The following KCNH7 variants were observed in gnomAD, a reference collection of about 807,000 sequenced individuals.
The protein encoded by KCNH7 is voltage-gated inwardly rectifying potassium channel KCNH7.
Under a neutral mutation model 120.8 loss-of-function variants are expected in KCNH7, and 49 were observed. That is an observed-to-expected ratio of 0.41 (90% confidence interval 0.32 to 0.51). The LOEUF (loss-of-function observed/expected upper bound fraction) is 0.51, where lower values mean the gene tolerates loss of function less well. Ranked by LOEUF, KCNH7 falls within the 20% of genes least tolerant of loss-of-function variation. The pLI is 0.38. For synonymous variants in KCNH7, 547 were observed against 516.1 expected, an observed-to-expected ratio of 1.06 and a Z score of -0.81; for missense variants, 1,097 against 1,446.6, an observed-to-expected ratio of 0.76 and a Z score of 3.92.
intron 6 of KCNH7, among the ~76,000 whole-genome samples, chr2:162,452,478 T>C (rs1403982745): frequency 6.6e-6 from 1 of 152,106 alleles, no homozygotes; most frequent in Non-Finnish European, 1.5e-5. Flanking sequence ...CTAGTTCATA[T>C]TATGTAGATC....
intron 1 of KCNH7, among the ~76,000 whole-genome samples, chr2:162,836,974 A>G (rs1685687050): frequency 6.6e-6 from 1 of 152,194 alleles, no homozygotes; most frequent in Non-Finnish European, 1.5e-5. Context: ...TTTTAACAGA[A>G]AGTATTAAGA....
intron 7 of KCNH7, among the ~76,000 whole-genome samples, chr2:162,437,351 T>C (rs1054042509): frequency 5.9e-5 from 9 of 152,286 alleles, no homozygotes; most frequent in African/African-American, 2.2e-4. Flanking sequence ...TCTCCAGTAC[T>C]GAGTTGTTTT....
Position 162,521,172 on chromosome 2 carries a change from C to T in KCNH7, c.464-3014G>A, listed in dbSNP as rs140511394. ...ATTTTTTCCATGACTGGCCCATAGG[C>T]CTCAGAAGGGCAGGGCCCCAGGCTA... is the stretch of plus-strand genomic sequence containing the variant. On this transcript the variant is annotated intron_variant, in intron 3 of 15. Transcript: ENST00000332142. Among the ~76,000 whole-genome samples the T allele has an allele frequency of 2.9e-4, 44 of 151,984 alleles. No homozygotes were observed. In the Middle Eastern group the frequency reaches 0.01, roughly 35 times the overall value.
intron 2 of KCNH7, among the ~76,000 whole-genome samples, chr2:162,799,379 T>C (rs1684262118): frequency 6.6e-6 from 1 of 151,954 alleles, no homozygotes. Context: ...ACTGCATACA[T>C]CTTTGTTAAA....
At chr2:162,457,348 TA>T (rs955774818) in intron 6 of KCNH7, among the ~76,000 whole-genome samples, 7 of 151,924 alleles carry the variant, frequency 4.6e-5, no homozygotes, top group African/African-American at 1.7e-4. Context: ...AAATAAGGAA[TA>T]AAAAAAGGGA....
intron 2 of KCNH7, among the ~76,000 whole-genome samples, chr2:162,758,465 C>A (rs998508406): frequency 6.6e-6 from 1 of 151,870 alleles, no homozygotes. Flanking sequence ...TATGTACACA[C>A]ACATATATAT....
intron 2 of KCNH7, among the ~76,000 whole-genome samples, chr2:162,561,864 T>C (rs1693080841): frequency 6.6e-6 from 1 of 152,158 alleles, no homozygotes; most frequent in South Asian, 2.1e-4. Flanking sequence ...ATATACACCA[T>C]GGAATACTAT....
intron 9 of KCNH7, among the ~76,000 whole-genome samples, chr2:162,421,505 C>CA (rs927286803): frequency 3.3e-5 from 5 of 152,020 alleles, no homozygotes; most frequent in African/African-American, 1.2e-4. Context: ...CTACATCATG[C>CA]AAAAAAGTTC....
intron 2 of KCNH7, among the ~76,000 whole-genome samples, chr2:162,835,224 T>G (rs1353840635): frequency 6.6e-6 from 1 of 152,104 alleles, no homozygotes; most frequent in Non-Finnish European, 1.5e-5. Flanking sequence ...CATTCCAGAT[T>G]ACTACAAAGT....
intron 14 of KCNH7, 136 bp downstream of exon 14, chr2:162,379,717 A>C (rs1038104477): frequency 2.5e-6 from 2 of 804,782 alleles, no homozygotes; most frequent in Admixed American, 5.6e-5. Flanking sequence ...GTCAACTTCT[A>C]GTCTTATTTT....
At chr2:162,700,921 C>G (rs1471231416) in intron 2 of KCNH7, among the ~76,000 whole-genome samples, 1 of 152,128 alleles carries the variant, frequency 6.6e-6, no homozygotes, top group African/African-American at 2.4e-5. Context: ...ATTGGTTGCT[C>G]TCTTTAAGGC....
chr2:162,638,658 G>T (rs997505783), intron 2 of KCNH7, among the ~76,000 whole-genome samples: 4 of 152,074 alleles, frequency 2.6e-5, no homozygotes, highest in Non-Finnish European at 5.9e-5. Flanking sequence ...CTAGAAAAAT[G>T]GAGTTAGTTA....
chr2:162,440,902 A>T (rs1688395898), intron 7 of KCNH7, among the ~76,000 whole-genome samples: 2 of 152,214 alleles, frequency 1.3e-5, no homozygotes, highest in South Asian at 4.1e-4. Context: ...ATAACTAGGG[A>T]TGTCATATTT....
rs916150306 is a variant in KCNH7, at chr2:162,527,064, T to G, written c.464-8906A>C. Among the ~76,000 whole-genome samples, 3 of 151,984 alleles carry G rather than the reference T, an allele frequency of 2.0e-5. No homozygotes were observed. In the East Asian group the frequency reaches 5.8e-4, roughly 30 times the overall value. Reference sequence around the variant, plus strand: ...GGGTCCCTGACTTCCCGCAACATTTTCAACTACTGGCAATTTTCTTGATCT... The same window carrying G: ...GGGTCCCTGACTTCCCGCAACATTTGCAACTACTGGCAATTTTCTTGATCT... On this transcript the variant is annotated intron_variant, in intron 3 of 15. Transcript: ENST00000332142.
At chr2:162,633,835 T>C (rs1204504905) in intron 2 of KCNH7, among the ~76,000 whole-genome samples, 1 of 152,064 alleles carries the variant, frequency 6.6e-6, no homozygotes, top group Non-Finnish European at 1.5e-5. Context: ...TTTTCAAAAA[T>C]TTCCTAGAAA....
chr2:162,818,635 A>G (rs534789952), intron 2 of KCNH7, among the ~76,000 whole-genome samples: 9 of 152,262 alleles, frequency 5.9e-5, no homozygotes, highest in Admixed American at 1.3e-4. Flanking sequence ...TTGCAGATCA[A>G]TTTGGGAAGA....
chr2:162,552,009 C>T (rs572209176), intron 2 of KCNH7, among the ~76,000 whole-genome samples: 1 of 152,132 alleles, frequency 6.6e-6, no homozygotes, highest in South Asian at 2.1e-4. Context: ...AAATACAAAC[C>T]AAGCAGAACC....
chr2:162,446,317 T>C lies in KCNH7; in HGVS notation c.1255A>G (p.Ile419Val). Residue 419 changes from isoleucine (I) to valine (V), a missense_variant, in exon 7 of 16, where the codon ATA becomes GTA. Coordinates refer to ENST00000332142, the MANE Select transcript of KCNH7 (RefSeq NM_033272.4). ...TAGGGAGTAAATATAGCAGTGTATA[T>C]GACCAACAGCAGGATAAGCCAGTCC... The part of the protein sequence containing the change: ...VWDWLILLLV[I>V]YTAIFTPYSA... The C allele has an allele frequency of 6.2e-7, 1 of 1,613,926 alleles. No homozygotes were observed. The highest frequency in any genetic ancestry group is 2.2e-5 in the East Asian group (1 of 44,868).
At chr2:162,535,588 T>C (rs987946805) in intron 3 of KCNH7, among the ~76,000 whole-genome samples, 1 of 151,868 alleles carries the variant, frequency 6.6e-6, no homozygotes, top group Admixed American at 6.6e-5. Context: ...TGAATAGAAT[T>C]ACACCATTAT....
Sources: allele counts gnomAD v4.1 joint callset (sites outside exome capture counted in the v4.1 genomes callset), GRCh38; gene constraint gnomAD v4.1.1; transcripts MANE v1.5; gene names NCBI Gene and HGNC (gene_info 2026-07-23, HGNC 2026-07-21).